The following RAB3GAP1 variants were observed in gnomAD, a reference collection of about 807,000 sequenced individuals.
RAB3GAP1 encodes RAB3 GTPase activating protein catalytic subunit 1.
RAB3GAP1 carries 86 observed loss-of-function variants against 130.7 expected under a neutral mutation model. The observed-to-expected ratio is 0.66, with a 90% CI of 0.55 to 0.79. RAB3GAP1 has a LOEUF of 0.79. Ranked by LOEUF, RAB3GAP1 falls within the 30% of genes least tolerant of loss-of-function variation. The pLI is 0.00. For missense variants in RAB3GAP1, 1,029 were observed against 1,169.4 expected (o/e 0.88, Z 1.75); for synonymous variants, 367 against 401.7 (o/e 0.91, Z 1.03).
chr2:135,116,807 G>C (rs1351980925), intron 7 of RAB3GAP1, among the ~76,000 whole-genome samples: 1 of 152,044 alleles, frequency 6.6e-6, no homozygotes, highest in Non-Finnish European at 1.5e-5. Flanking sequence ...TATGAACTCC[G>C]TGAAAGTCAT....
In RAB3GAP1 at chr2:135,065,292, G is replaced by A. The variant is rs556164582; in HGVS notation, c.150+7206G>A. On this transcript the variant is annotated intron_variant, in intron 3 of 23. Coordinates refer to ENST00000264158, the MANE Select transcript of RAB3GAP1 (RefSeq NM_012233.3). ...ATTCTCAGTGTGTGATCTGAGGACC[G>A]TTGTCTGTCTCTGAGAACTTTGCAA... is the stretch of plus-strand genomic sequence containing the variant. 3.5e-4 allele frequency among the ~76,000 whole-genome samples: 54 copies of A among 152,266 alleles called. No individual in the cohort carries two copies. In the East Asian group the frequency reaches 6.7e-3, roughly 19 times the overall value.
Position 135,124,222 on chromosome 2 carries a change from T to G in RAB3GAP1, c.806T>G (p.Phe269Cys). ...VGGLEFGKLPFGACEDPISEL... is the reference protein window; with the variant it reads ...VGGLEFGKLPCGACEDPISEL... ...GGCTTGGAGTTTGGCAAGTTACCAT[T>G]TGGTGCCTGCGAAGATCCTATTAGG... is the stretch of plus-strand genomic sequence containing the variant. Residue 269 changes from phenylalanine (F) to cysteine (C), a missense_variant, in exon 9 of 24, where the codon TTT becomes TGT. Phe to Cys is a radical substitution (Grantham distance 205). Coordinates refer to ENST00000264158, the MANE Select transcript of RAB3GAP1 (RefSeq NM_012233.3). The G allele has an allele frequency of 6.2e-7, 1 of 1,614,164 alleles. No individual in the cohort carries two copies. The highest frequency in any genetic ancestry group is 8.5e-7 in the Non-Finnish European group (1 of 1,179,996).
chr2:135,154,415 C>T (rs542206523), intron 19 of RAB3GAP1, among the ~76,000 whole-genome samples: 1 of 152,268 alleles, frequency 6.6e-6, no homozygotes, highest in South Asian at 2.1e-4. Context: ...CCTACCTCCT[C>T]CACCCCCCCA....
rs145430860 is a variant in RAB3GAP1 at position 135,142,427 on chromosome 2, ATTT to A, written c.1923+6496_1923+6498del. 6.9e-3 allele frequency among the ~76,000 whole-genome samples: 1,058 copies of A among 152,284 alleles called. 11 individuals carry two copies. The highest frequency in any genetic ancestry group is 0.024 in the African/African-American group (991 of 41,578). The stretch of plus-strand genomic sequence containing the variant: ...TTGACTTATTAGTAGTTTAGAGATT[ATTT>A]GGAGTTTTCTACATACACAATCATG... On this transcript the variant is annotated intron_variant, in intron 17 of 23. Coordinates refer to ENST00000264158, the MANE Select transcript of RAB3GAP1 (RefSeq NM_012233.3).
chr2:135,110,140 CTT>C (rs567522851), intron 5 of RAB3GAP1, among the ~76,000 whole-genome samples: 1 of 143,760 alleles, frequency 7.0e-6, no homozygotes, highest in African/African-American at 2.5e-5. Context: ...GAGGTAAATC[CTT>C]TTTTTTTTTG....
intron 3 of RAB3GAP1, among the ~76,000 whole-genome samples, chr2:135,085,300 T>C (rs1689942018): frequency 6.6e-6 from 1 of 152,172 alleles, no homozygotes; most frequent in Non-Finnish European, 1.5e-5. Context: ...AATACATAAT[T>C]GGAAATAAAA....
At chr2:135,063,205 T>C (rs968389227) in intron 3 of RAB3GAP1, among the ~76,000 whole-genome samples, 4 of 152,284 alleles carry the variant, frequency 2.6e-5, no homozygotes, top group Admixed American at 1.3e-4. Flanking sequence ...TTTGTTTTTA[T>C]TGTAAATGAG....
chr2:135,064,317 T>C (rs1689257859), intron 3 of RAB3GAP1, among the ~76,000 whole-genome samples: 1 of 152,166 alleles, frequency 6.6e-6, no homozygotes, highest in Non-Finnish European at 1.5e-5. Flanking sequence ...ACTTAAGCTA[T>C]ACTTAACATT....
chr2:135,152,046 TAGAC>T (rs1455779632), intron 18 of RAB3GAP1, among the ~76,000 whole-genome samples: 28 of 152,314 alleles, frequency 1.8e-4, no homozygotes, highest in Admixed American at 1.2e-3. Flanking sequence ...AACCAGAAAA[TAGAC>T]AGTAATTTAA....
intron 11 of RAB3GAP1, 108 bp downstream of exon 11, chr2:135,126,764 A>C: frequency 1.0e-6 from 1 of 952,852 alleles, no homozygotes; most frequent in Non-Finnish European, 1.7e-6. Context: ...AGTTAACACC[A>C]TGTAGGAAAA....
At chr2:135,081,325 A>AAAAAAAAAAAAT (rs1689796349) in intron 3 of RAB3GAP1, among the ~76,000 whole-genome samples, 1 of 78,020 alleles carries the variant, frequency 1.3e-5, no homozygotes, top group Non-Finnish European at 2.0e-5. Context: ...AAAAAAAAAA[A>AAAAAAAAAAAAT]AAATATATAT....
chr2:135,079,066 G>A (rs1213212983), intron 3 of RAB3GAP1, among the ~76,000 whole-genome samples: 1 of 151,884 alleles, frequency 6.6e-6, no homozygotes, highest in Non-Finnish European at 1.5e-5. Context: ...ACACAGAGTT[G>A]CACCCTGTTG....
chr2:135,143,898 A>G (rs1691919970), intron 17 of RAB3GAP1, among the ~76,000 whole-genome samples: 1 of 152,244 alleles, frequency 6.6e-6, no homozygotes. Flanking sequence ...CTCAGATGTC[A>G]TAATTCCTGA....
chr2:135,107,666 G>T (rs1392546989), intron 5 of RAB3GAP1, among the ~76,000 whole-genome samples: 1 of 152,086 alleles, frequency 6.6e-6, no homozygotes, highest in African/African-American at 2.4e-5. Flanking sequence ...GGTAATATAT[G>T]TGAGAGTTGT....
chr2:135,133,926 CTG>C lies in RAB3GAP1; in HGVS notation c.1394_1395del (p.Cys465TyrfsTer22). 1.2e-6 allele frequency: 2 copies of C among 1,613,824 alleles called. No individual in the cohort carries two copies. Among genetic ancestry groups the C allele is most frequent in the Non-Finnish European group, 1.7e-6 (2 of 1,179,750 alleles). On this transcript the variant is annotated frameshift_variant, in exon 15 of 24. Transcript: ENST00000264158. LOFTEE classifies it high-confidence loss of function. ...SLTYKLALCL[C>X]MINFYHGGLK... ...TAACATACAAACTGGCTTTGTGTCTCTGTATGATCAATTTTTACCATGGAGGG... is the reference window on the plus strand; with the variant it reads ...TAACATACAAACTGGCTTTGTGTCTCTATGATCAATTTTTACCATGGAGGG...
downstream of RAB3GAP1, among the ~76,000 whole-genome samples, chr2:135,173,871 G>C (rs1339669902): frequency 6.6e-6 from 1 of 152,188 alleles, no homozygotes; most frequent in Admixed American, 6.5e-5. Flanking sequence ...TGGTTGGATG[G>C]ATGGATGCCT....
intron 1 of RAB3GAP1, 26 bp from the exon 2 acceptor site, chr2:135,052,403 CT>C: frequency 6.2e-7 from 1 of 1,614,126 alleles, no homozygotes; most frequent in South Asian, 1.1e-5. Context: ...GGCTTAATTT[CT>C]TTTTCTCTCC....
chr2:135,093,736 C>A, intron 5 of RAB3GAP1, 43 bp downstream of exon 5: 9 of 1,404,772 alleles, frequency 6.4e-6, no homozygotes, highest in Non-Finnish European at 9.1e-6. Context: ...ATGTGTGTTG[C>A]GGGGGACCTC....
Position 135,132,937 on chromosome 2 carries a change from A to G in RAB3GAP1, c.1279A>G (p.Thr427Ala). 1.3e-6 allele frequency: 2 copies of G among 1,584,430 alleles called. No homozygotes were observed. The highest frequency in any genetic ancestry group is 1.7e-6 in the Non-Finnish European group (2 of 1,153,354). The change falls in exon 14 of 24, where the codon ACT becomes GCT. Residue 427 changes from threonine to alanine, a missense_variant. By Grantham distance (58) the Thr-to-Ala change is moderately conservative. Transcript: ENST00000264158. ...DAVSEKPLDG[T>A]TSTDNNNPPS... ...TGTTTCTGAGAAACCATTAGATGGA[A>G]CTACTTCAACAGATAATAATAATCC...
Sources: allele counts gnomAD v4.1 joint callset (sites outside exome capture counted in the v4.1 genomes callset), GRCh38; gene constraint gnomAD v4.1.1; transcripts MANE v1.5; gene names NCBI Gene and HGNC (gene_info 2026-07-23, HGNC 2026-07-21).